The following IL20RB variants were observed in gnomAD, a reference collection of about 807,000 sequenced individuals.
IL20RB encodes interleukin 20 receptor subunit beta.
A neutral mutation model predicts 33.3 loss-of-function variants in IL20RB; 21 were observed. The ratio of observed to expected loss-of-function variants is 0.63; its 90% CI spans 0.45 to 0.91. The LOEUF (loss-of-function observed/expected upper bound fraction) is 0.91, where lower values mean the gene tolerates loss of function less well. IL20RB is among the 40% of genes least tolerant of loss of function. The pLI is 0.00. For synonymous variants in IL20RB, 147 were observed against 146.8 expected (o/e 1.00, Z -0.01); for missense variants, 345 against 384.8 (o/e 0.90, Z 0.86).
intron 6 of IL20RB, among the ~76,000 whole-genome samples, chr3:137,002,178 T>G (rs1577033214): frequency 1.3e-5 from 2 of 152,108 alleles, no homozygotes; most frequent in African/African-American, 4.8e-5. Flanking sequence ...CTATCATTGA[T>G]GGACATTTGG....
chr3:136,975,868 TTG>T (rs1941605169), intron 1 of IL20RB, among the ~76,000 whole-genome samples: 1 of 152,170 alleles, frequency 6.6e-6, no homozygotes, highest in Admixed American at 6.5e-5. Context: ...ATGCTGATCA[TTG>T]GGCCTCCACA....
intron 6 of IL20RB, among the ~76,000 whole-genome samples, chr3:137,008,255 A>C (rs1253770433): frequency 6.6e-6 from 1 of 152,212 alleles, no homozygotes; most frequent in African/African-American, 2.4e-5. Context: ...GATGCCTCTG[A>C]GTCCACACAG....
intron 1 of IL20RB, among the ~76,000 whole-genome samples, chr3:136,971,781 A>G (rs956016056): frequency 3.9e-5 from 6 of 152,208 alleles, no homozygotes; most frequent in Admixed American, 2.6e-4. Flanking sequence ...ATTGTGAGTA[A>G]TGGTGCAATA....
At chr3:136,990,446 T>C (rs1350238592) in intron 4 of IL20RB, among the ~76,000 whole-genome samples, 1 of 152,184 alleles carries the variant, frequency 6.6e-6, no homozygotes, top group Non-Finnish European at 1.5e-5. Flanking sequence ...TCCTAGCTTA[T>C]TCCAGGCTGT....
At chr3:136,972,674 T>TA (rs1322891795) in intron 1 of IL20RB, among the ~76,000 whole-genome samples, 1 of 151,678 alleles carries the variant, frequency 6.6e-6, no homozygotes, top group Non-Finnish European at 1.5e-5. Flanking sequence ...TTTATTTGGG[T>TA]TTCCTCTCTT....
intron 6 of IL20RB, among the ~76,000 whole-genome samples, chr3:137,002,816 T>G (rs1459430927): frequency 1.3e-5 from 2 of 152,202 alleles, no homozygotes; most frequent in Non-Finnish European, 1.5e-5. Context: ...GCCATTGCTT[T>G]TGGTGTTTTA....
At chr3:136,989,724 G>A (rs527403523) in intron 4 of IL20RB, among the ~76,000 whole-genome samples, 159 bp downstream of exon 4, 1 of 152,320 alleles carries the variant, frequency 6.6e-6, no homozygotes, top group East Asian at 1.9e-4. Flanking sequence ...CACCCCATCA[G>A]CCTCTTCTCC....
chr3:136,980,414 A>C lies in IL20RB; in HGVS notation c.89-52A>C, dbSNP rs768233454. The C allele has an allele frequency of 2.6e-5, 42 of 1,613,068 alleles. 2 individuals carry two copies. The South Asian group carries it at 4.2e-4, about 16-fold the overall frequency. ...TTAGACACTAATTTGAAGCTATGGC[A>C]TTCCCCCACTATGAGCCCACCTGTC... On this transcript the variant is annotated intron_variant, in intron 1 of 6. Transcript: ENST00000329582.
In IL20RB at chr3:136,982,274, C is replaced by A. The variant is rs766671326; in HGVS notation, c.330C>A (p.Asn110Lys). 5.0e-6 allele frequency: 8 copies of A among 1,611,700 alleles called. No individual in the cohort carries two copies. Among genetic ancestry groups the A allele is most frequent in the Non-Finnish European group, 5.1e-6 (6 of 1,178,074 alleles). The change falls in exon 3 of 7, where the codon AAC becomes AAA. Residue 110 changes from asparagine to lysine, a missense_variant. Asn to Lys is a moderately conservative substitution (Grantham distance 94, BLOSUM62 0). Coordinates refer to ENST00000329582, the MANE Select transcript of IL20RB (RefSeq NM_144717.4). ...TDDITATVPY[N>K]LRVRATLGSQ... ...ACATCACGGCCACTGTGCCATACAA[C>A]CTTCGTGTCAGGGCCACATTGGGCT...
intron 4 of IL20RB, among the ~76,000 whole-genome samples, chr3:136,991,431 A>C (rs2108209044): frequency 6.6e-6 from 1 of 152,338 alleles, no homozygotes; most frequent in South Asian, 2.1e-4. Flanking sequence ...TGCTTAGAGC[A>C]GTGCCTAGCA....
Position 136,980,693 on chromosome 3 carries a change from G to T in IL20RB, c.215+101G>T, listed in dbSNP as rs182859192. 606 of 1,213,952 alleles carry T rather than the reference G, an allele frequency of 5.0e-4. 1 individual carries two copies. Among genetic ancestry groups the T allele is most frequent in the Admixed American group, 4.6e-4 (25 of 54,674 alleles). 75.2% of individuals were successfully genotyped at this position (1,213,952 alleles called of 1,614,324 possible). A position where few individuals can be genotyped will look rare whatever the true frequency, so the allele number is the denominator to read the frequency against. Reference sequence around the variant, plus strand: ...CCCAAGGTGGCTTTTTGAGTCCAGGGATAGATTATCCCCAAAGATCTACCC... The same window carrying T: ...CCCAAGGTGGCTTTTTGAGTCCAGGTATAGATTATCCCCAAAGATCTACCC... On this transcript the variant is annotated intron_variant, in intron 2 of 6. Transcript: ENST00000329582.
intron 3 of IL20RB, among the ~76,000 whole-genome samples, chr3:136,987,861 GGGCC>G (rs1030577724): frequency 1.3e-5 from 2 of 152,160 alleles, no homozygotes; most frequent in Admixed American, 6.5e-5. Context: ...GGGGCCGGCA[GGGCC>G]GGCCGGCTGC....
At chr3:136,971,062 C>A (rs1322588767) in intron 1 of IL20RB, among the ~76,000 whole-genome samples, 1 of 152,112 alleles carries the variant, frequency 6.6e-6, no homozygotes, top group African/African-American at 2.4e-5. Flanking sequence ...CTGAGTACAA[C>A]ACATTTTTGT....
chr3:136,963,922 C>G (rs1941304778), intron 1 of IL20RB, among the ~76,000 whole-genome samples: 1 of 70,790 alleles, frequency 1.4e-5, no homozygotes, highest in Non-Finnish European at 2.7e-5. Context: ...CAATTCCCAC[C>G]TATGAGTGAG....
intron 2 of IL20RB, 25 bp from the exon 3 acceptor site, chr3:136,982,135 C>A: frequency 6.6e-7 from 1 of 1,515,974 alleles, no homozygotes; most frequent in Non-Finnish European, 8.9e-7. Flanking sequence ...GCTGGTGTAA[C>A]TCTGTGCCCT....
chr3:136,967,321 G>T (rs1941379356), intron 1 of IL20RB, among the ~76,000 whole-genome samples: 1 of 125,548 alleles, frequency 8.0e-6, no homozygotes, highest in East Asian at 2.6e-4. Flanking sequence ...TTATTAATGT[G>T]TGGGAGTCTA....
intron 3 of IL20RB, among the ~76,000 whole-genome samples, chr3:136,987,670 AG>A (rs1435582665): frequency 6.6e-6 from 1 of 152,168 alleles, no homozygotes. Flanking sequence ...CGGGCCGCAC[AG>A]GAGCCCATGG....
intron 1 of IL20RB, among the ~76,000 whole-genome samples, chr3:136,962,594 A>C (rs1941251610): frequency 6.6e-6 from 1 of 152,106 alleles, no homozygotes; most frequent in Admixed American, 6.6e-5. Flanking sequence ...TTTACTAAAA[A>C]TACAAAAATT....
chr3:136,994,010 C>CA (rs34151860), intron 5 of IL20RB, among the ~76,000 whole-genome samples: 71,027 of 141,624 alleles, frequency 0.5, 17,806 homozygotes, highest in East Asian at 0.9. Flanking sequence ...AAGACTGTCT[C>CA]AAAAAAAAAA....
Sources: gnomAD v4.1 joint callset for allele counts (sites outside exome capture counted in the v4.1 genomes callset) on GRCh38, gnomAD v4.1.1 for gene constraint, MANE v1.5 for transcripts, NCBI Gene and HGNC (gene_info 2026-07-23, HGNC 2026-07-21) for gene names.